The following SORCS3 variants were observed in gnomAD, a reference collection of about 807,000 sequenced individuals.
The protein encoded by SORCS3 is VPS10 domain-containing receptor SorCS3.
In SORCS3, 57 loss-of-function variants were observed where a neutral mutation model predicts 146.3. The observed-to-expected ratio is 0.39, with a 90% CI of 0.31 to 0.49. SORCS3 has a LOEUF of 0.49. Among genes scored for constraint, SORCS3 ranks in the 20% least tolerant of loss-of-function variants. SORCS3 has a pLI of 0.92. For synonymous variants in SORCS3, 653 were observed against 618.5 expected, an observed-to-expected ratio of 1.06 and a Z score of -0.83; for missense variants, 1,341 against 1,575.5, an observed-to-expected ratio of 0.85 and a Z score of 2.52.
Position 104,775,127 on chromosome 10 carries a change from G to A in SORCS3, c.628-67665G>A, listed in dbSNP as rs531615947. The stretch of plus-strand genomic sequence containing the variant: ...GTGTTCACCCTTGGGATGAAATATG[G>A]TATGCAACATGGGATTTGCAGTTGG... On this transcript the variant is annotated intron_variant, in intron 1 of 26. Transcript: ENST00000369701. Among the ~76,000 whole-genome samples, 117 of 152,308 alleles carry A rather than the reference G, an allele frequency of 7.7e-4. 1 individual carries two copies. The highest frequency in any genetic ancestry group is 2.7e-3 in the African/African-American group (112 of 41,578).
intron 1 of SORCS3, among the ~76,000 whole-genome samples, chr10:104,834,024 C>T (rs917695088): frequency 1.5e-4 from 23 of 152,160 alleles, no homozygotes; most frequent in Admixed American, 2.0e-4. Flanking sequence ...GTTCACACCT[C>T]GTATCTAATT....
intron 8 of SORCS3, among the ~76,000 whole-genome samples, chr10:105,144,365 G>A (rs76902464): frequency 0.019 from 2,957 of 152,180 alleles, 92 homozygotes; most frequent in African/African-American, 0.066. Context: ...TTGAGGGCAG[G>A]TTTTGCTTTT....
At chr10:104,787,323 G>C (rs370506282) in intron 1 of SORCS3, among the ~76,000 whole-genome samples, 1 of 152,160 alleles carries the variant, frequency 6.6e-6, no homozygotes, top group African/African-American at 2.4e-5. Flanking sequence ...ACTGATGCTG[G>C]AGTCTCTGTT....
At chr10:105,083,923 C>T (rs1383131963) in intron 5 of SORCS3, among the ~76,000 whole-genome samples, 1 of 152,196 alleles carries the variant, frequency 6.6e-6, no homozygotes, top group Admixed American at 6.5e-5. Context: ...GCACAAATCC[C>T]ATTCTTTTCG....
At chr10:105,046,428 G>C (rs2055371940) in intron 5 of SORCS3, among the ~76,000 whole-genome samples, 1 of 152,046 alleles carries the variant, frequency 6.6e-6, no homozygotes, top group South Asian at 2.1e-4. Context: ...CAGCTTAGAG[G>C]GGGATTTGTG....
chr10:105,092,611 A>G lies in SORCS3; in HGVS notation c.1093+2772A>G, dbSNP rs1253381337. ...CCCTCACACTTGTGCATTCACAAAC[A>G]CACACACACACACACACACACACAC... On this transcript the variant is annotated intron_variant, in intron 6 of 26. Coordinates refer to ENST00000369701, the MANE Select transcript of SORCS3 (RefSeq NM_014978.3). Among the ~76,000 whole-genome samples, 7 of 134,222 alleles carry G rather than the reference A, an allele frequency of 5.2e-5. No homozygotes were observed. In the East Asian group the frequency reaches 2.0e-3, roughly 38 times the overall value. The allele number at this position is 134,222 out of a possible 152,430, so 88.1% of individuals were successfully genotyped here.
At chr10:105,255,384 A>G (rs1339610670) in intron 23 of SORCS3, among the ~76,000 whole-genome samples, 1 of 152,034 alleles carries the variant, frequency 6.6e-6, no homozygotes, top group Non-Finnish European at 1.5e-5. Flanking sequence ...ATGACGAGTT[A>G]ATGGGTGCAG....
chr10:104,773,544 C>T (rs2017275536), intron 1 of SORCS3, among the ~76,000 whole-genome samples: 1 of 152,092 alleles, frequency 6.6e-6, no homozygotes, highest in Non-Finnish European at 1.5e-5. Context: ...AAACATTTAC[C>T]AGCACACCAC....
At chr10:105,162,078 G>A (rs1467619581) in intron 11 of SORCS3, among the ~76,000 whole-genome samples, 1 of 152,136 alleles carries the variant, frequency 6.6e-6, no homozygotes, top group Non-Finnish European at 1.5e-5. Flanking sequence ...ACCCTGTATG[G>A]GCAGCAACTC....
At chr10:104,974,095 C>T (rs143141813) in intron 3 of SORCS3, among the ~76,000 whole-genome samples, 9,006 of 151,978 alleles carry the variant, frequency 0.059, 261 homozygotes, top group African/African-American at 0.074. Flanking sequence ...TTACATTTGC[C>T]GAGGAGTGTT....
At position 105,259,272 on chromosome 10, in the gene SORCS3, T is replaced by C. The variant is rs188878586; in HGVS notation, c.3443+2348T>C. 7.9e-5 allele frequency among the ~76,000 whole-genome samples: 12 copies of C among 152,370 alleles called. No homozygotes were observed. In the East Asian group the frequency reaches 2.3e-3, roughly 29 times the overall value. ...AGCAACACCTGGCCATTAAACGCTC[T>C]GTTGAGCAGCACAGTTTAGTGTAAA... On this transcript the variant is annotated intron_variant, in intron 25 of 26. Coordinates refer to ENST00000369701, the MANE Select transcript of SORCS3 (RefSeq NM_014978.3).
chr10:104,920,497 A>T (rs953244333), intron 3 of SORCS3, among the ~76,000 whole-genome samples: 1 of 152,220 alleles, frequency 6.6e-6, no homozygotes, highest in African/African-American at 2.4e-5. Context: ...CTCCCTTTTA[A>T]GAGTTTTATC....
chr10:105,061,560 G>A (rs571455282), intron 5 of SORCS3, among the ~76,000 whole-genome samples: 1 of 151,122 alleles, frequency 6.6e-6, no homozygotes, highest in South Asian at 2.1e-4. Flanking sequence ...CCCCCAAAGT[G>A]CTTGGATTAA....
At position 105,105,597 on chromosome 10, in the gene SORCS3, C is replaced by T. The variant is rs2055815451; in HGVS notation, c.1212+82C>T. ...TGCTAGGAAAAGGAGGGTGGCTTTCCCAAGGTTGTGAAGATGTGGAGTTGA... is the reference window on the plus strand; with the variant it reads ...TGCTAGGAAAAGGAGGGTGGCTTTCTCAAGGTTGTGAAGATGTGGAGTTGA... On this transcript the variant is annotated intron_variant, in intron 7 of 26. Coordinates refer to ENST00000369701, the MANE Select transcript of SORCS3 (RefSeq NM_014978.3). 7.2e-6 allele frequency: 7 copies of T among 968,474 alleles called. 1 individual carries two copies. The highest frequency in any genetic ancestry group is 2.9e-4 in the Middle Eastern group (1 of 3,446). 60.0% of individuals were successfully genotyped at this position (968,474 alleles called of 1,614,324 possible). A position where few individuals can be genotyped will look rare whatever the true frequency, so the allele number is the denominator to read the frequency against.
intron 1 of SORCS3, among the ~76,000 whole-genome samples, chr10:104,718,272 G>A (rs566722991): frequency 7.6e-4 from 115 of 152,234 alleles, no homozygotes; most frequent in Non-Finnish European, 1.5e-3. Context: ...TTTTTGCTGT[G>A]TCATCCCATG....
intron 23 of SORCS3, among the ~76,000 whole-genome samples, chr10:105,254,083 A>G (rs1242576757): frequency 1.3e-5 from 2 of 152,242 alleles, no homozygotes; most frequent in Non-Finnish European, 2.9e-5. Flanking sequence ...CAGAGTGATT[A>G]AATCGATGTT....
chr10:104,812,798 T>G (rs1329774721), intron 1 of SORCS3, among the ~76,000 whole-genome samples: 1 of 152,144 alleles, frequency 6.6e-6, no homozygotes, highest in Non-Finnish European at 1.5e-5. Flanking sequence ...CCAGTAGAGC[T>G]CAAAAGCTCT....
chr10:105,032,976 T>C (rs1881224), intron 4 of SORCS3, among the ~76,000 whole-genome samples: 51,883 of 152,038 alleles, frequency 0.34, 11,090 homozygotes, highest in African/African-American at 0.61. Context: ...TAATATGAGA[T>C]ATTTATGAAT....
intron 1 of SORCS3, among the ~76,000 whole-genome samples, chr10:104,667,459 CCT>C (rs1285881316): frequency 6.6e-6 from 1 of 152,130 alleles, no homozygotes; most frequent in Non-Finnish European, 1.5e-5. Context: ...AAACTGTTCC[CCT>C]GTTTTATATC....
Sources: allele counts gnomAD v4.1 joint callset (sites outside exome capture counted in the v4.1 genomes callset), GRCh38; gene constraint gnomAD v4.1.1; transcripts MANE v1.5; gene names NCBI Gene and HGNC (gene_info 2026-07-23, HGNC 2026-07-21).